Variants in ARHGAP22 observed in about 807,000 individuals in gnomAD.
ARHGAP22 encodes rho GTPase-activating protein 22.
A neutral mutation model predicts 59.1 loss-of-function variants in ARHGAP22; 48 were observed. The ratio of observed to expected loss-of-function variants is 0.81; its 90% CI spans 0.64 to 1.03. The LOEUF (loss-of-function observed/expected upper bound fraction) is 1.03, where lower values mean the gene tolerates loss of function less well. Ranked by LOEUF, ARHGAP22 falls within the 50% of genes least tolerant of loss-of-function variation. The probability of loss-of-function intolerance (pLI) is 0.00; values close to 1 mark genes in which losing one functional copy is unlikely to be tolerated. For synonymous variants in ARHGAP22, 445 were observed against 416.4 expected, an observed-to-expected ratio of 1.07 and a Z score of -0.84; for missense variants, 1,015 against 958.7, an observed-to-expected ratio of 1.06 and a Z score of -0.78.
At chr10:48,507,289 C>T (rs1237603391) in intron 3 of ARHGAP22, among the ~76,000 whole-genome samples, 1 of 152,202 alleles carries the variant, frequency 6.6e-6, no homozygotes, top group South Asian at 2.1e-4. Context: ...AGGTGAAGGT[C>T]CCCTATGAGC....
chr10:48,594,776 C>G (rs1201136754), intron 1 of ARHGAP22, among the ~76,000 whole-genome samples: 1 of 152,118 alleles, frequency 6.6e-6, no homozygotes, highest in Non-Finnish European at 1.5e-5. Context: ...TAGCTAGGTA[C>G]AGGGGTGTAC....
chr10:48,616,441 T>C (rs1437417434), intron 1 of ARHGAP22, among the ~76,000 whole-genome samples: 2 of 152,166 alleles, frequency 1.3e-5, no homozygotes, highest in African/African-American at 2.4e-5. Context: ...CAAGGAATAA[T>C]GGCCACTTTC....
intron 1 of ARHGAP22, among the ~76,000 whole-genome samples, chr10:48,630,952 T>A (rs139235805): frequency 6.6e-6 from 1 of 152,358 alleles, no homozygotes; most frequent in African/African-American, 2.4e-5. Context: ...GGAAGTTACC[T>A]CTAATTCTAG....
At chr10:48,457,626 C>T (rs1279177434) in intron 5 of ARHGAP22, among the ~76,000 whole-genome samples, 2 of 152,188 alleles carry the variant, frequency 1.3e-5, no homozygotes, top group East Asian at 3.9e-4. Context: ...GGTGGCAACC[C>T]GGGAGACTGA....
At chr10:48,456,197 G>A (rs2046484332) in intron 5 of ARHGAP22, among the ~76,000 whole-genome samples, 1 of 152,214 alleles carries the variant, frequency 6.6e-6, no homozygotes, top group Admixed American at 6.5e-5. Flanking sequence ...CAGGAAAGAT[G>A]AGACGGGGCC....
chr10:48,654,825 TCTTC>T (rs1345861589), upstream of ARHGAP22, among the ~76,000 whole-genome samples: 175 of 62,512 alleles, frequency 2.8e-3, no homozygotes, highest in East Asian at 0.042. Flanking sequence ...TTTCTTTCTT[TCTTC>T]CTTCCTTCCT....
At chr10:48,640,349 T>C (rs1158269999) in intron 1 of ARHGAP22, among the ~76,000 whole-genome samples, 4 of 152,198 alleles carry the variant, frequency 2.6e-5, no homozygotes, top group African/African-American at 9.6e-5. Context: ...CTAAATTTGA[T>C]GAAAAACATT....
chr10:48,452,397 G>A (rs2046062862), intron 8 of ARHGAP22, among the ~76,000 whole-genome samples: 1 of 152,184 alleles, frequency 6.6e-6, no homozygotes, highest in African/African-American at 2.4e-5. Flanking sequence ...CATGAAGCAG[G>A]CAGGGCAGGC....
chr10:48,476,396 G>C (rs1008393516), intron 4 of ARHGAP22, among the ~76,000 whole-genome samples: 1 of 152,156 alleles, frequency 6.6e-6, no homozygotes, highest in Non-Finnish European at 1.5e-5. Context: ...GTGGCCTGCC[G>C]GTGCCAGAAT....
intron 3 of ARHGAP22, among the ~76,000 whole-genome samples, chr10:48,490,255 T>C (rs1487391389): frequency 6.6e-6 from 1 of 152,126 alleles, no homozygotes; most frequent in Non-Finnish European, 1.5e-5. Context: ...CCTTTTATTA[T>C]CATATTTAAG....
upstream of ARHGAP22, among the ~76,000 whole-genome samples, chr10:48,654,401 C>G (rs149957208): frequency 6.6e-6 from 1 of 152,360 alleles, no homozygotes; most frequent in Non-Finnish European, 1.5e-5. Context: ...CCAAACATCT[C>G]TTCTTGCCTC....
At chr10:48,499,251 T>C (rs2051264884) in intron 3 of ARHGAP22, among the ~76,000 whole-genome samples, 1 of 152,206 alleles carries the variant, frequency 6.6e-6, no homozygotes, top group South Asian at 2.1e-4. Flanking sequence ...TTCCTGCAGC[T>C]GGAAGCAGGA....
intron 1 of ARHGAP22, among the ~76,000 whole-genome samples, chr10:48,594,019 G>C (rs1235992104): frequency 6.6e-6 from 1 of 152,196 alleles, no homozygotes. Flanking sequence ...AAATGAAAGA[G>C]CTCTTTTGGA....
intron 3 of ARHGAP22, among the ~76,000 whole-genome samples, chr10:48,539,079 A>G (rs992250703): frequency 1.3e-5 from 2 of 152,228 alleles, no homozygotes; most frequent in African/African-American, 4.8e-5. Flanking sequence ...GGAACGTCTC[A>G]CCATTGCCTT....
chr10:48,538,303 C>T (rs1441368648), intron 3 of ARHGAP22, among the ~76,000 whole-genome samples: 1 of 152,172 alleles, frequency 6.6e-6, no homozygotes, highest in Non-Finnish European at 1.5e-5. Context: ...CTTCTAAGGA[C>T]ACCAACCATT....
chr10:48,555,683 A>T, intron 2 of ARHGAP22, 133 bp from the exon 3 acceptor site: 1 of 757,264 alleles, frequency 1.3e-6, no homozygotes. Flanking sequence ...TGGGCCTCAG[A>T]GAGGGGCACA....
intron 1 of ARHGAP22, among the ~76,000 whole-genome samples, chr10:48,627,752 C>T (rs2061499379): frequency 6.6e-6 from 1 of 152,230 alleles, no homozygotes; most frequent in Admixed American, 6.5e-5. Flanking sequence ...TAATGTGAGG[C>T]ATGCATTCTC....
chr10:48,649,184 T>G (rs1245679219), intron 1 of ARHGAP22, among the ~76,000 whole-genome samples: 1 of 152,202 alleles, frequency 6.6e-6, no homozygotes, highest in African/African-American at 2.4e-5. Flanking sequence ...TCCTCCCTTA[T>G]TACCCCATTC....
At chr10:48,600,737 C>T (rs913538672) in intron 1 of ARHGAP22, among the ~76,000 whole-genome samples, 5 of 152,202 alleles carry the variant, frequency 3.3e-5, no homozygotes, top group Non-Finnish European at 7.3e-5. Context: ...TGACAAGAGA[C>T]AGCTTGGTTC....
Sources: allele counts gnomAD v4.1 joint callset (sites outside exome capture counted in the v4.1 genomes callset), GRCh38; gene constraint gnomAD v4.1.1; transcripts MANE v1.5; gene names NCBI Gene and HGNC (gene_info 2026-07-23, HGNC 2026-07-21).